Variants in FOXP1 observed in about 807,000 individuals in gnomAD.
FOXP1 encodes forkhead box protein P1.
Under a neutral mutation model 98.2 loss-of-function variants are expected in FOXP1, and 15 were observed. That is an observed-to-expected ratio of 0.15 (90% CI 0.10 to 0.24). The LOEUF (loss-of-function observed/expected upper bound fraction) is 0.24, where lower values mean the gene tolerates loss of function less well. Among genes scored for constraint, FOXP1 ranks in the 10% least tolerant of loss-of-function variants. The probability of loss-of-function intolerance (pLI) is 1.00; values close to 1 mark genes in which losing one functional copy is unlikely to be tolerated. For synonymous variants in FOXP1, 371 were observed against 314.5 expected, an observed-to-expected ratio of 1.18 and a Z score of -1.90; for missense variants, 633 against 848.5, an observed-to-expected ratio of 0.75 and a Z score of 3.15.
chr3:71,091,021 A>G (rs568399602), intron 7 of FOXP1, among the ~76,000 whole-genome samples: 1 of 151,734 alleles, frequency 6.6e-6, no homozygotes, highest in East Asian at 1.9e-4. Flanking sequence ...ACCCAAACCA[A>G]CATCATCATA....
chr3:71,116,032 G>A (rs1382272368), intron 6 of FOXP1, among the ~76,000 whole-genome samples: 5 of 152,168 alleles, frequency 3.3e-5, no homozygotes, highest in African/African-American at 9.6e-5. Flanking sequence ...CACCGTGTCC[G>A]GCCATCACAA....
intron 3 of FOXP1, among the ~76,000 whole-genome samples, chr3:71,376,487 ATTG>A (rs1025606668): frequency 6.6e-6 from 1 of 152,244 alleles, no homozygotes; most frequent in Non-Finnish European, 1.5e-5. Context: ...GGTAGTATAC[ATTG>A]TTAAGGAATC....
chr3:71,174,414 C>A (rs1341637105), intron 6 of FOXP1, among the ~76,000 whole-genome samples: 1 of 152,130 alleles, frequency 6.6e-6, no homozygotes, highest in African/African-American at 2.4e-5. Context: ...CGGCAAGATC[C>A]TGTCTCAAAA....
At chr3:71,306,929 A>C (rs2074324655) in intron 4 of FOXP1, among the ~76,000 whole-genome samples, 1 of 152,216 alleles carries the variant, frequency 6.6e-6, no homozygotes, top group Non-Finnish European at 1.5e-5. Flanking sequence ...CAACCCAGGA[A>C]TTTAAGCAAG....
intron 5 of FOXP1, among the ~76,000 whole-genome samples, chr3:71,290,214 C>T (rs1330952132): frequency 6.6e-6 from 1 of 152,162 alleles, no homozygotes; most frequent in African/African-American, 2.4e-5. Context: ...GGGAGCACCA[C>T]CTTCTATCAG....
At chr3:71,355,445 C>T (rs1577106937) in intron 4 of FOXP1, among the ~76,000 whole-genome samples, 1 of 152,040 alleles carries the variant, frequency 6.6e-6, no homozygotes, top group Admixed American at 6.5e-5. Flanking sequence ...AGGTGGTCAG[C>T]AAAGGCATGT....
intron 5 of FOXP1, among the ~76,000 whole-genome samples, chr3:71,250,501 G>C (rs1377442325): frequency 6.6e-6 from 1 of 152,168 alleles, no homozygotes; most frequent in East Asian, 1.9e-4. Context: ...CAGTTTTAGA[G>C]GGGGTCATAG....
chr3:71,142,179 A>G (rs953456566), intron 6 of FOXP1, among the ~76,000 whole-genome samples: 1 of 152,160 alleles, frequency 6.6e-6, no homozygotes, highest in Non-Finnish European at 1.5e-5. Context: ...AGGAATTGAT[A>G]TAATTACCAC....
Position 71,347,258 on chromosome 3 carries a change from G to A in FOXP1, c.-73+11892C>T, listed in dbSNP as rs932909091. 6.6e-5 allele frequency among the ~76,000 whole-genome samples: 10 copies of A among 152,310 alleles called. No homozygotes were observed. The South Asian group carries it at 1.7e-3, about 25-fold the overall frequency. On this transcript the variant is annotated intron_variant, in intron 4 of 20. Transcript: ENST00000649528. Reference sequence around the variant, plus strand: ...AATTATTCAGGCTGACTGTCATTCAGATCCGTCAAATTACAGCTCAAAACA... The same window carrying A: ...AATTATTCAGGCTGACTGTCATTCAAATCCGTCAAATTACAGCTCAAAACA...
chr3:71,433,023 T>A (rs983306032), intron 3 of FOXP1, among the ~76,000 whole-genome samples: 1 of 151,760 alleles, frequency 6.6e-6, no homozygotes, highest in African/African-American at 2.4e-5. Context: ...TCTTCTTGGA[T>A]CTTTTGGTGT....
At chr3:71,140,097 G>A (rs1422152453) in intron 6 of FOXP1, among the ~76,000 whole-genome samples, 3 of 152,108 alleles carry the variant, frequency 2.0e-5, no homozygotes, top group Non-Finnish European at 4.4e-5. Flanking sequence ...AAAATCTACT[G>A]TAACTTTTTT....
chr3:71,425,167 G>A (rs1160430413), intron 3 of FOXP1, among the ~76,000 whole-genome samples: 1 of 152,070 alleles, frequency 6.6e-6, no homozygotes, highest in Non-Finnish European at 1.5e-5. Context: ...CCAGGCTGGA[G>A]TGCAGTGGCA....
chr3:71,084,630 C>T (rs887821828), intron 7 of FOXP1, among the ~76,000 whole-genome samples: 29 of 152,144 alleles, frequency 1.9e-4, no homozygotes. Context: ...TTACTGAGAC[C>T]AGGCATGTTA....
intron 3 of FOXP1, among the ~76,000 whole-genome samples, chr3:71,373,401 CA>C (rs1310539101): frequency 6.6e-6 from 1 of 151,994 alleles, no homozygotes; most frequent in African/African-American, 2.4e-5. Context: ...GAGAGGAAAC[CA>C]AATGACATGA....
At position 70,967,687 on chromosome 3, in the gene FOXP1, G is replaced by GTTTTTT. The variant is rs67711426; in HGVS notation, c.1723-1637_1723-1632dup. On this transcript the variant is annotated intron_variant, in intron 19 of 20. Transcript: ENST00000649528. Reference sequence around the variant, plus strand: ...GCAGTTGCCAGAACTACTATTATTTGTTTTTTTTTTTTGTTTTTTTTTGTT... The same window carrying GTTTTTT: ...GCAGTTGCCAGAACTACTATTATTTGTTTTTTTTTTTTTTTTTTGTTTTTTTTTGTT... Among the ~76,000 whole-genome samples the GTTTTTT allele has an allele frequency of 1.4e-3, 84 of 61,304 alleles. 2 individuals are homozygous for GTTTTTT. The highest frequency in any genetic ancestry group is 2.6e-3 in the African/African-American group (46 of 17,408). 40.2% of individuals were successfully genotyped at this position (61,304 alleles called of 152,430 possible).
At chr3:71,381,588 G>A (rs2080183813) in intron 3 of FOXP1, among the ~76,000 whole-genome samples, 1 of 151,758 alleles carries the variant, frequency 6.6e-6, no homozygotes, top group Non-Finnish European at 1.5e-5. Context: ...GGACTACAGG[G>A]ATACAACACC....
At chr3:71,145,467 G>A (rs948210424) in intron 6 of FOXP1, among the ~76,000 whole-genome samples, 20 of 151,868 alleles carry the variant, frequency 1.3e-4, no homozygotes, top group Admixed American at 6.6e-4. Flanking sequence ...CGCTTGAACC[G>A]GAGGGCAGAG....
intron 6 of FOXP1, among the ~76,000 whole-genome samples, chr3:71,196,216 G>T (rs2063290834): frequency 6.6e-6 from 1 of 152,158 alleles, no homozygotes. Flanking sequence ...TGACCTTTGT[G>T]TCAATAACCC....
chr3:71,214,588 G>C (rs2108476190), intron 5 of FOXP1, among the ~76,000 whole-genome samples: 1 of 152,212 alleles, frequency 6.6e-6, no homozygotes, highest in East Asian at 1.9e-4. Context: ...GACATCTTTG[G>C]GACAGGAACA....
Sources: gnomAD v4.1 joint callset for allele counts (sites outside exome capture counted in the v4.1 genomes callset) on GRCh38, gnomAD v4.1.1 for gene constraint, MANE v1.5 for transcripts, NCBI Gene and HGNC (gene_info 2026-07-23, HGNC 2026-07-21) for gene names.